The following JAM2 variants were observed in gnomAD, a reference collection of about 807,000 sequenced individuals.
JAM2 encodes junctional adhesion molecule 2.
A neutral mutation model predicts 42.0 loss-of-function variants in JAM2; 17 were observed. The observed-to-expected ratio is 0.40, with a 90% CI of 0.28 to 0.61. JAM2 has a LOEUF of 0.61. Among genes scored for constraint, JAM2 ranks in the 20% least tolerant of loss-of-function variants. JAM2 has a pLI of 0.37. For missense variants in JAM2, 319 were observed against 358.3 expected (o/e 0.89, Z 0.89); for synonymous variants, 118 against 128.6 (o/e 0.92, Z 0.56).
intron 9 of JAM2, among the ~76,000 whole-genome samples, chr21:25,713,556 C>T (rs1426404376): frequency 1.1e-5 from 1 of 90,872 alleles, no homozygotes; most frequent in Non-Finnish European, 2.0e-5. Flanking sequence ...TCAGTAGAGT[C>T]TGGGGGGTGG....
intron 7 of JAM2, among the ~76,000 whole-genome samples, chr21:25,708,388 G>A (rs2034313846): frequency 6.6e-6 from 1 of 152,064 alleles, no homozygotes; most frequent in South Asian, 2.1e-4. Context: ...GGGAAACATA[G>A]GGAGACCCTT....
intron 1 of JAM2, among the ~76,000 whole-genome samples, chr21:25,645,253 G>A (rs1305683505): frequency 6.6e-6 from 1 of 152,224 alleles, no homozygotes; most frequent in Non-Finnish European, 1.5e-5. Context: ...CTCCAATGCA[G>A]CACTCTGTGC....
intron 1 of JAM2, among the ~76,000 whole-genome samples, chr21:25,676,286 CAAAAAAA>C (rs397958040): frequency 8.2e-4 from 50 of 61,270 alleles, no homozygotes; most frequent in Middle Eastern, 9.1e-3. Flanking sequence ...AGACTCGTCT[CAAAAAAA>C]AAAAAAAAAA....
At chr21:25,667,547 T>G (rs1251332284) in intron 1 of JAM2, among the ~76,000 whole-genome samples, 1 of 152,252 alleles carries the variant, frequency 6.6e-6, no homozygotes, top group Non-Finnish European at 1.5e-5. Flanking sequence ...TGTGCCTAAC[T>G]TATAAATTAA....
At position 25,706,003 on chromosome 21, in the gene JAM2, T is replaced by C. The variant is rs753311582; in HGVS notation, c.722T>C (p.Ile241Thr). The C allele has an allele frequency of 1.9e-6, 3 of 1,613,330 alleles. No homozygotes were observed. The highest frequency in any genetic ancestry group is 1.7e-5 in the Admixed American group (1 of 60,030). Residue 241 changes from isoleucine (I) to threonine (T), a missense_variant, in exon 7 of 10, where the codon ATA (isoleucine) becomes ACA (threonine). By Grantham distance (89) the Ile-to-Thr change is moderately conservative (BLOSUM62 -1). Coordinates refer to ENST00000480456, the MANE Select transcript of JAM2 (RefSeq NM_021219.4). ...GATGATCTCAACATAAGTGGCATCA[T>C]AGCAGCCGTAGTAGTTGTGGCCTTA... ...QVDDLNISGIIAAVVVVALVI... is the reference protein window; with the variant it reads ...QVDDLNISGITAAVVVVALVI...
intron 1 of JAM2, among the ~76,000 whole-genome samples, chr21:25,677,404 T>G (rs942365830): frequency 1.3e-5 from 2 of 152,228 alleles, no homozygotes; most frequent in Non-Finnish European, 2.9e-5. Flanking sequence ...ACAAAATTCC[T>G]GAAGCTAACA....
chr21:25,649,259 T>A (rs1286579853), intron 1 of JAM2, among the ~76,000 whole-genome samples: 1 of 152,152 alleles, frequency 6.6e-6, no homozygotes, highest in Non-Finnish European at 1.5e-5. Flanking sequence ...CAAGACTGGG[T>A]AATTTACAAA....
chr21:25,644,162 C>G (rs369144289), intron 1 of JAM2: 4 of 152,334 alleles, frequency 2.6e-5, no homozygotes, highest in African/African-American at 7.2e-5. Flanking sequence ...CAAAATAAAA[C>G]TTAAAACCAG....
chr21:25,685,780 A>C (rs2033739100), intron 2 of JAM2, among the ~76,000 whole-genome samples: 2 of 152,078 alleles, frequency 1.3e-5, no homozygotes, highest in Non-Finnish European at 2.9e-5. Flanking sequence ...GCCAGAATGG[A>C]AGCTGGAAAG....
chr21:25,681,842 C>T (rs1464400841), intron 1 of JAM2, among the ~76,000 whole-genome samples: 1 of 152,022 alleles, frequency 6.6e-6, no homozygotes, highest in Non-Finnish European at 1.5e-5. Context: ...ATTAGCCGGG[C>T]GTCGTGGCGG....
At chr21:25,657,499 T>C (rs1242989880) in intron 1 of JAM2, among the ~76,000 whole-genome samples, 1 of 152,198 alleles carries the variant, frequency 6.6e-6, no homozygotes, top group Non-Finnish European at 1.5e-5. Context: ...AAGTTAAATA[T>C]CCATGTGAAA....
chr21:25,702,155 T>G lies in JAM2; in HGVS notation c.598-15T>G. ...TCTATGGCTTAAAAAAATATATTTT[T>G]GCATCCACAAATAGCAATTTAATAC... On this transcript the variant is annotated splice_polypyrimidine_tract_variant and intron_variant, in intron 5 of 9. Transcript: ENST00000480456. The G allele has an allele frequency of 7.2e-7, 1 of 1,392,558 alleles. No individual in the cohort carries two copies. The highest frequency in any genetic ancestry group is 1.0e-6 in the Non-Finnish European group (1 of 999,590). 86.3% of individuals were successfully genotyped at this position (1,392,558 alleles called of 1,614,324 possible).
At chr21:25,645,065 G>A (rs913252990) in intron 1 of JAM2, among the ~76,000 whole-genome samples, 1 of 152,182 alleles carries the variant, frequency 6.6e-6, no homozygotes, top group Non-Finnish European at 1.5e-5. Flanking sequence ...ATTTTTAGTA[G>A]AGACTGGGTT....
intron 1 of JAM2, among the ~76,000 whole-genome samples, chr21:25,675,679 G>C (rs889107753): frequency 6.6e-6 from 1 of 152,050 alleles, no homozygotes; most frequent in Admixed American, 6.6e-5. Context: ...TAAACAACCA[G>C]ATCTCAGGAG....
chr21:25,690,936 G>A (rs1169295319), intron 3 of JAM2, among the ~76,000 whole-genome samples: 2 of 152,122 alleles, frequency 1.3e-5, no homozygotes, highest in African/African-American at 4.8e-5. Context: ...TGGATGAACT[G>A]TTATAATGTC....
intron 1 of JAM2, among the ~76,000 whole-genome samples, chr21:25,652,341 G>C (rs1463151723): frequency 1.3e-5 from 2 of 152,180 alleles, no homozygotes; most frequent in African/African-American, 4.8e-5. Flanking sequence ...GTGGTGAGCT[G>C]TGATTGTGCT....
intron 1 of JAM2, among the ~76,000 whole-genome samples, chr21:25,641,492 T>C (rs1035164878): frequency 6.6e-6 from 1 of 152,190 alleles, no homozygotes; most frequent in African/African-American, 2.4e-5. Flanking sequence ...TAAACTTGAT[T>C]CCTATAGGGG....
At chr21:25,669,184 G>A (rs550113290) in intron 1 of JAM2, among the ~76,000 whole-genome samples, 16 of 152,078 alleles carry the variant, frequency 1.1e-4, no homozygotes, top group Non-Finnish European at 2.1e-4. Flanking sequence ...ACCAGCTTGG[G>A]CAACACGGTG....
intron 1 of JAM2, among the ~76,000 whole-genome samples, chr21:25,640,562 G>A (rs1431962289): frequency 6.6e-6 from 1 of 152,226 alleles, no homozygotes; most frequent in Non-Finnish European, 1.5e-5. Flanking sequence ...AGTAGCTGGG[G>A]AGACGTCCCA....
Sources: gnomAD v4.1 joint callset for allele counts (sites outside exome capture counted in the v4.1 genomes callset) on GRCh38, gnomAD v4.1.1 for gene constraint, MANE v1.5 for transcripts, NCBI Gene and HGNC (gene_info 2026-07-23, HGNC 2026-07-21) for gene names.